The following FAS variants were observed in gnomAD, a reference collection of about 807,000 sequenced individuals.
FAS encodes Fas cell surface death receptor.
In FAS, 5 loss-of-function variants were observed where a neutral mutation model predicts 33.2. The observed-to-expected ratio is 0.15, with a 90% CI of 0.08 to 0.32. The LOEUF (loss-of-function observed/expected upper bound fraction) is 0.32. Ranked by LOEUF, FAS falls within the 10% of genes least tolerant of loss-of-function variation. The pLI is 1.00. For synonymous variants in FAS, 131 were observed against 130.7 expected, an observed-to-expected ratio of 1.00 and a Z score of -0.01; for missense variants, 339 against 386.0, an observed-to-expected ratio of 0.88 and a Z score of 1.02.
intron 3 of FAS, 134 bp from the exon 4 acceptor site, chr10:89,008,755 G>A (rs1848374494): frequency 1.2e-6 from 1 of 840,998 alleles, no homozygotes. Flanking sequence ...AACACTGACT[G>A]TATTACTGGT....
chr10:88,982,603 G>A (rs1846738343), upstream of FAS, among the ~76,000 whole-genome samples: 1 of 152,128 alleles, frequency 6.6e-6, no homozygotes, highest in Admixed American at 6.5e-5. Context: ...CAGGCTTCTA[G>A]CCAGTTTTCT....
intron 2 of FAS, among the ~76,000 whole-genome samples, chr10:88,979,329 C>T (rs1054005968): frequency 1.3e-5 from 2 of 152,226 alleles, no homozygotes; most frequent in South Asian, 2.1e-4. Context: ...CCAGCCTTGG[C>T]TCCTAGGAAG....
chr10:88,975,042 T>C (rs1226940610), intron 2 of FAS: 1 of 152,228 alleles, frequency 6.6e-6, no homozygotes, highest in Non-Finnish European at 1.5e-5. Context: ...TTTACTGTAA[T>C]TTCTAGCATG....
chr10:88,981,418 T>C (rs971488367), intron 2 of FAS, among the ~76,000 whole-genome samples: 4 of 152,112 alleles, frequency 2.6e-5, no homozygotes, highest in Admixed American at 2.6e-4. Flanking sequence ...TTGCTTTATC[T>C]TCCATCGTCG....
intron 1 of FAS, among the ~76,000 whole-genome samples, chr10:88,994,766 T>A (rs1422200402): frequency 6.6e-6 from 1 of 151,770 alleles, no homozygotes; most frequent in African/African-American, 2.4e-5. Flanking sequence ...ATTGGATACA[T>A]TATAGAGAGA....
At position 89,014,304 on chromosome 10, in the gene FAS, A is replaced by C; in HGVS notation, c.862A>C (p.Lys288Gln). The stretch of plus-strand genomic sequence containing the variant: ...TAATTGGCATCAACTTCATGGAAAG[A>C]AAGAAGCGTATGACACATTGATTAA... ...LRNWHQLHGK[K>Q]EAYDTLIKDL... Residue 288 changes from lysine (K) to glutamine (Q), a missense_variant, in exon 9 of 9, where the codon AAA becomes CAA. Around this residue, in one of 3 missense-constraint regions of FAS, gnomAD observed 52 missense variants for 52.7 expected, o/e 0.99. Transcript: ENST00000652046. 1 of 1,614,004 alleles carries C rather than the reference A, an allele frequency of 6.2e-7. No individual in the cohort carries two copies. The highest frequency in any genetic ancestry group is 8.5e-7 in the Non-Finnish European group (1 of 1,179,948).
chr10:89,004,966 A>C (rs1053442307), intron 2 of FAS, among the ~76,000 whole-genome samples: 6 of 152,222 alleles, frequency 3.9e-5, no homozygotes, highest in Non-Finnish European at 7.3e-5. Context: ...TAAATTAATG[A>C]AATACAAATA....
intron 1 of FAS, among the ~76,000 whole-genome samples, chr10:89,002,183 C>T (rs1157062622): frequency 1.3e-5 from 2 of 152,130 alleles, no homozygotes; most frequent in Admixed American, 1.3e-4. Flanking sequence ...TGTTTGCATA[C>T]CTAGATGGAG....
In FAS at chr10:89,014,482, A is replaced by T; in HGVS notation, c.*32A>T. 6.3e-7 allele frequency: 1 copy of T among 1,585,144 alleles called. No homozygotes were observed. The highest frequency in any genetic ancestry group is 8.6e-7 in the Non-Finnish European group (1 of 1,164,644). ...AAACAACAAATTCAGTTCTGAGTAT[A>T]TGCAATTAGTGTTTGAAAAGATTCT... On this transcript the variant is annotated 3_prime_UTR_variant, in exon 9 of 9. Transcript: ENST00000652046.
At chr10:89,007,596 C>CGGGGGGGG in intron 2 of FAS, 104 bp from the exon 3 acceptor site, 1 of 1,454,842 alleles carries the variant, frequency 6.9e-7, no homozygotes, top group Non-Finnish European at 9.4e-7. Context: ...CCCCCCTCCC[C>CGGGGGGGG]TTGTGTTTTA....
chr10:89,007,715 G>A lies in FAS; in HGVS notation c.212G>A (p.Arg71Lys). The part of the protein sequence containing the change: ...KPCPPGERKA[R>K]DCTVNGDEPD... ...CCTTGGGCAGGTGAAAGGAAAGCTA[G>A]GGACTGCACAGTCAATGGGGATGAA... Residue 71 changes from arginine (R) to lysine (K), a missense_variant, in exon 3 of 9, where the codon AGG becomes AAG. Around this residue, in one of 3 missense-constraint regions of FAS, gnomAD observed 276 missense variants for 300.1 expected, o/e 0.92. Coordinates refer to ENST00000652046, the MANE Select transcript of FAS (RefSeq NM_000043.6). 6.2e-7 allele frequency: 1 copy of A among 1,613,930 alleles called. No homozygotes were observed. The highest frequency in any genetic ancestry group is 8.5e-7 in the Non-Finnish European group (1 of 1,179,932).
intron 1 of FAS, among the ~76,000 whole-genome samples, chr10:88,967,639 T>A (rs1031134095): frequency 1.3e-5 from 2 of 152,166 alleles, no homozygotes; most frequent in African/African-American, 2.4e-5. Flanking sequence ...CCTTGTTTCT[T>A]GAACTTTCAA....
At chr10:88,964,751 C>T (rs1288652845) in intron 1 of FAS, among the ~76,000 whole-genome samples, 4 of 152,118 alleles carry the variant, frequency 2.6e-5, no homozygotes, top group African/African-American at 9.7e-5. Context: ...CAAAAAGTAT[C>T]TACATATCTT....
intron 1 of FAS, among the ~76,000 whole-genome samples, chr10:88,971,683 G>A (rs1421160731): frequency 1.3e-5 from 2 of 152,044 alleles, no homozygotes; most frequent in Non-Finnish European, 2.9e-5. Context: ...AATAGGACAC[G>A]TGTAAGACTA....
intron 1 of FAS, among the ~76,000 whole-genome samples, chr10:88,970,576 G>A (rs754893838): frequency 1.3e-5 from 2 of 152,166 alleles, no homozygotes; most frequent in African/African-American, 2.4e-5. Context: ...ATTGCATTTA[G>A]ATAGTCCAGA....
intron 2 of FAS, 108 bp from the exon 3 acceptor site, chr10:89,007,592 T>G: frequency 7.2e-7 from 1 of 1,381,790 alleles, no homozygotes; most frequent in Non-Finnish European, 1.0e-6. Context: ...CTACCCCCCC[T>G]CCCCTTGTGT....
rs1041528461 is a variant in FAS at position 89,014,595 on chromosome 10, T to C, written c.*145T>C. 1.2e-6 allele frequency: 1 copy of C among 832,948 alleles called. No homozygotes were observed. Among genetic ancestry groups the C allele is most frequent in the Admixed American group, 2.0e-5 (1 of 50,140 alleles). 51.6% of individuals were successfully genotyped at this position (832,948 alleles called of 1,614,324 possible). ...TGAAGAGCCAACATATTTGTAGATT[T>C]TTAATATCTCATGATTCTGCCTCCA... On this transcript the variant is annotated 3_prime_UTR_variant, in exon 9 of 9. Transcript: ENST00000652046.
chr10:89,003,101 T>C lies in FAS; in HGVS notation c.103T>C (p.Leu35=), dbSNP rs9333296. The C allele has an allele frequency of 2.2e-3, 3,631 of 1,614,104 alleles. 57 individuals are homozygous for C. The South Asian group carries it at 0.024, about 11-fold the overall frequency. The change falls in exon 2 of 9, where the codon TTG becomes CTG. Residue 35 remains leucine (L), a synonymous_variant. Transcript: ENST00000652046. The stretch of plus-strand genomic sequence containing the variant: ...AGTGACTGACATCAACTCCAAGGGA[T>C]TGGAATTGAGGAAGACTGTTACTAC... ...AQVTDINSKG[L]ELRKTVTTVE... is the part of the protein sequence containing the mutation.
At chr10:88,981,327 T>C (rs1302342285) in intron 2 of FAS, among the ~76,000 whole-genome samples, 11 of 152,224 alleles carry the variant, frequency 7.2e-5, no homozygotes, top group Non-Finnish European at 1.6e-4. Flanking sequence ...TCCTGTGCAG[T>C]TAAACCCTTG....
Sources: allele counts gnomAD v4.1 joint callset (sites outside exome capture counted in the v4.1 genomes callset), GRCh38; gene constraint gnomAD v4.1.1; regional missense constraint gnomAD v4.1.1; transcripts MANE v1.5; gene names NCBI Gene and HGNC (gene_info 2026-07-23, HGNC 2026-07-21).